The following DYM variants were observed in gnomAD, a reference collection of about 807,000 sequenced individuals.
DYM encodes the protein dymeclin, also known as dyggve-Melchior-Clausen syndrome protein.
In DYM, 78 loss-of-function variants were observed where a neutral mutation model predicts 93.1. The observed-to-expected ratio is 0.84, with a 90% CI of 0.70 to 1.01. The LOEUF is 1.01. Ranked by LOEUF, DYM falls within the 50% of genes least tolerant of loss-of-function variation. The pLI is 0.00. For synonymous variants in DYM, 321 were observed against 319.7 expected, an observed-to-expected ratio of 1.00 and a Z score of -0.04; for missense variants, 789 against 845.0, an observed-to-expected ratio of 0.93 and a Z score of 0.82.
chr18:49,416,862 T>C (rs148486591), intron 2 of DYM, among the ~76,000 whole-genome samples: 1 of 152,150 alleles, frequency 6.6e-6, no homozygotes, highest in Non-Finnish European at 1.5e-5. Context: ...GTGCCAAAAA[T>C]AGGTAACAGG....
At chr18:49,217,583 G>C (rs913908621) in intron 13 of DYM, among the ~76,000 whole-genome samples, 3 of 152,220 alleles carry the variant, frequency 2.0e-5, no homozygotes, top group Admixed American at 6.5e-5. Flanking sequence ...AGCCAGAAGA[G>C]AGTGGGGGAC....
At position 49,362,797 on chromosome 18, in the gene DYM, C is replaced by T. The variant is rs781710405; in HGVS notation, c.494+364G>A. Among the ~76,000 whole-genome samples, 4 of 152,260 alleles carry T rather than the reference C, an allele frequency of 2.6e-5. No homozygotes were observed. The East Asian group carries it at 7.7e-4, about 29-fold the overall frequency. The stretch of plus-strand genomic sequence containing the variant: ...GAGGCTGGAAATACAATCAGGAAGT[C>T]AGGAAGATAAGGAGAACTCAACTCA... On this transcript the variant is annotated intron_variant, in intron 6 of 17. Transcript: ENST00000675505.
At chr18:49,397,940 A>T (rs1210940885) in intron 2 of DYM, among the ~76,000 whole-genome samples, 2 of 152,204 alleles carry the variant, frequency 1.3e-5, no homozygotes, top group African/African-American at 2.4e-5. Context: ...TTAAATTACA[A>T]ATGTGGCTTA....
chr18:49,357,498 T>C (rs1490161885), intron 6 of DYM, among the ~76,000 whole-genome samples: 1 of 152,194 alleles, frequency 6.6e-6, no homozygotes, highest in Non-Finnish European at 1.5e-5. Context: ...AGCCCCTTTC[T>C]ACTACCAATG....
At chr18:49,235,997 C>T (rs1164435195) in intron 13 of DYM, among the ~76,000 whole-genome samples, 3 of 152,036 alleles carry the variant, frequency 2.0e-5, no homozygotes, top group Non-Finnish European at 4.4e-5. Flanking sequence ...ACAAGGAGTA[C>T]AAAATTTGTA....
At position 49,046,426 on chromosome 18, in the gene DYM, A is replaced by G. The variant is rs1260681651; in HGVS notation, c.2026-2222T>C. Reference sequence around the variant, plus strand: ...AACACACAAGACACATACACACACAATACATACAAAACAGATACCCACACA... The same window carrying G: ...AACACACAAGACACATACACACACAGTACATACAAAACAGATACCCACACA... On this transcript the variant is annotated intron_variant, in intron 17 of 17. Transcript: ENST00000675505. 2.0e-5 allele frequency among the ~76,000 whole-genome samples: 3 copies of G among 150,882 alleles called. No homozygotes were observed. In the East Asian group the frequency reaches 5.8e-4, roughly 29 times the overall value.
chr18:49,069,913 T>C (rs951364726), intron 17 of DYM, among the ~76,000 whole-genome samples: 3 of 152,160 alleles, frequency 2.0e-5, no homozygotes, highest in African/African-American at 7.2e-5. Flanking sequence ...TGGTGGCGCA[T>C]GCCCGTAATC....
intron 2 of DYM, among the ~76,000 whole-genome samples, chr18:49,406,901 T>C (rs529245854): frequency 9.9e-5 from 15 of 152,230 alleles, no homozygotes; most frequent in Non-Finnish European, 5.9e-5. Context: ...ATGAATTTCA[T>C]AGCAACTTTA....
At chr18:49,429,761 TG>T (rs1311852675) in intron 2 of DYM, among the ~76,000 whole-genome samples, 1 of 152,210 alleles carries the variant, frequency 6.6e-6, no homozygotes, top group Non-Finnish European at 1.5e-5. Flanking sequence ...CGGCAGTAAC[TG>T]TTACAACAAA....
In DYM at chr18:49,423,933, A is replaced by G. The variant is rs555265089; in HGVS notation, c.140+6322T>C. 3.9e-5 allele frequency among the ~76,000 whole-genome samples: 6 copies of G among 152,326 alleles called. No individual in the cohort carries two copies. In the South Asian group the frequency reaches 1.2e-3, roughly 32 times the overall value. On this transcript the variant is annotated intron_variant, in intron 2 of 17. Coordinates refer to ENST00000675505, the MANE Select transcript of DYM (RefSeq NM_001353214.3). ...GCCTATAAACCAAAAAAAGTCCAGG[A>G]CCAGATGGATTCACAGCCGAATTCT...
At chr18:49,434,254 G>A (rs1354438121) in intron 1 of DYM, among the ~76,000 whole-genome samples, 2 of 151,984 alleles carry the variant, frequency 1.3e-5, no homozygotes, top group African/African-American at 4.8e-5. Flanking sequence ...GACTGAGGCA[G>A]GGGAATCACT....
intron 6 of DYM, among the ~76,000 whole-genome samples, chr18:49,348,855 G>A (rs1373517985): frequency 6.9e-6 from 1 of 144,358 alleles, no homozygotes; most frequent in African/African-American, 2.6e-5. Flanking sequence ...ATTGCAGTGA[G>A]CCATGATCGC....
intron 17 of DYM, among the ~76,000 whole-genome samples, chr18:49,054,105 A>C (rs2075264872): frequency 6.6e-6 from 1 of 152,238 alleles, no homozygotes; most frequent in South Asian, 2.1e-4. Context: ...AGGCTCTTCC[A>C]AGTGTAATGG....
At chr18:49,057,796 T>C (rs1338369649) in intron 17 of DYM, among the ~76,000 whole-genome samples, 2 of 152,254 alleles carry the variant, frequency 1.3e-5, no homozygotes, top group Non-Finnish European at 2.9e-5. Flanking sequence ...AATGGTATCA[T>C]GGAGGGAAAA....
chr18:49,196,423 C>T (rs2091454137), intron 14 of DYM, among the ~76,000 whole-genome samples: 1 of 129,580 alleles, frequency 7.7e-6, no homozygotes, highest in Non-Finnish European at 1.6e-5. Flanking sequence ...ATATTAAGTG[C>T]TAGGGATCAG....
chr18:49,240,619 C>G (rs1051044959), intron 13 of DYM, among the ~76,000 whole-genome samples: 1 of 152,092 alleles, frequency 6.6e-6, no homozygotes. Flanking sequence ...ATAAGTTTTT[C>G]GAAATTTTAA....
chr18:49,223,052 T>C (rs1312013222), intron 13 of DYM, among the ~76,000 whole-genome samples: 1 of 152,062 alleles, frequency 6.6e-6, no homozygotes, highest in Non-Finnish European at 1.5e-5. Flanking sequence ...ATTAAGTATT[T>C]TTGCCAAAAA....
rs2095032772 is a variant in DYM, at chr18:49,283,155, G to A, written c.947-980C>T. On this transcript the variant is annotated intron_variant, in intron 9 of 17. Coordinates refer to ENST00000675505, the MANE Select transcript of DYM (RefSeq NM_001353214.3). ...TTGTATCAATCCAACTGTAACAGTA[G>A]GCCTATTTTACAACAAAGTGTTGAA... 4.6e-5 allele frequency among the ~76,000 whole-genome samples: 7 copies of A among 152,080 alleles called. No individual in the cohort carries two copies. The South Asian group carries it at 1.5e-3, about 32-fold the overall frequency.
chr18:49,198,059 C>A (rs1347908101), intron 14 of DYM, among the ~76,000 whole-genome samples: 1 of 152,058 alleles, frequency 6.6e-6, no homozygotes, highest in Non-Finnish European at 1.5e-5. Context: ...CAGAACAGAG[C>A]CCTCAGAAAT....
Sources: gnomAD v4.1 joint callset for allele counts (sites outside exome capture counted in the v4.1 genomes callset) on GRCh38, gnomAD v4.1.1 for gene constraint, MANE v1.5 for transcripts, NCBI Gene and HGNC (gene_info 2026-07-23, HGNC 2026-07-21) for gene names.